The following JAML variants were observed in gnomAD, a reference collection of about 807,000 sequenced individuals.
JAML encodes junctional adhesion molecule-like.
In JAML, 25 loss-of-function variants were observed where a neutral mutation model predicts 39.3. That is an observed-to-expected ratio of 0.64 (90% CI 0.46 to 0.89). The LOEUF is 0.89. Ranked by LOEUF, JAML falls within the 40% of genes least tolerant of loss-of-function variation. The pLI is 0.00. For missense variants in JAML, 440 were observed against 486.9 expected (o/e 0.90, Z 0.91); for synonymous variants, 162 against 179.2 (o/e 0.90, Z 0.77).
At chr11:118,218,866 T>C (rs1313419854) in intron 1 of JAML, among the ~76,000 whole-genome samples, 1 of 152,182 alleles carries the variant, frequency 6.6e-6, no homozygotes, top group Non-Finnish European at 1.5e-5. Context: ...ATAGACACCA[T>C]TGACATTCAC....
intron 1 of JAML, among the ~76,000 whole-genome samples, chr11:118,221,498 T>C (rs924097180): frequency 1.3e-5 from 2 of 152,220 alleles, no homozygotes; most frequent in Non-Finnish European, 2.9e-5. Flanking sequence ...ATCCCTTGCA[T>C]GTGCAGTTCA....
Position 118,203,415 on chromosome 11 carries a change from A to C in JAML, c.772+13T>G. On this transcript the variant is annotated intron_variant, in intron 6 of 9. Coordinates refer to ENST00000356289, the MANE Select transcript of JAML (RefSeq NM_001098526.2). ...GGAGGTCCCTCAATGCTCCCCAGCC[A>C]AATGTTAGATACTTCGAGGCTCTTC... 6.2e-7 allele frequency: 1 copy of C among 1,611,190 alleles called. No homozygotes were observed. The highest frequency in any genetic ancestry group is 1.1e-5 in the South Asian group (1 of 91,002).
At chr11:118,216,140 G>A (rs1353310302) in intron 1 of JAML, among the ~76,000 whole-genome samples, 1 of 152,136 alleles carries the variant, frequency 6.6e-6, no homozygotes, top group African/African-American at 2.4e-5. Flanking sequence ...GGGAGACCAA[G>A]GCGGGCGGAT....
intron 3 of JAML, 111 bp downstream of exon 3, chr11:118,212,296 C>G (rs973443372): frequency 7.4e-7 from 1 of 1,358,128 alleles, no homozygotes; most frequent in Non-Finnish European, 1.0e-6. Context: ...TCCAAAGCCC[C>G]GGCTCTTGCA....
chr11:118,207,896 A>G (rs1806936779), intron 4 of JAML, among the ~76,000 whole-genome samples: 1 of 152,202 alleles, frequency 6.6e-6, no homozygotes, highest in East Asian at 1.9e-4. Context: ...GGAAAAGGCT[A>G]TGCTTGCATG....
intron 1 of JAML, among the ~76,000 whole-genome samples, chr11:118,218,218 T>A (rs569500754): frequency 6.6e-6 from 1 of 152,148 alleles, no homozygotes; most frequent in Non-Finnish European, 1.5e-5. Flanking sequence ...CTCGGCCTCC[T>A]GAGTAGCTGG....
At chr11:118,211,422 T>C (rs71482138) in intron 3 of JAML, among the ~76,000 whole-genome samples, 1 of 152,130 alleles carries the variant, frequency 6.6e-6, no homozygotes, top group Non-Finnish European at 1.5e-5. Context: ...TTTGTGTTTG[T>C]TTTTTTATAG....
In JAML at chr11:118,222,140, G is replaced by A. The variant is rs1439849622; in HGVS notation, c.-21+2801C>T. ...TGTTTTAAAAGCCCCTGCTGGCCAG[G>A]CACAGTGGCTTATGCCTATAATCCT... On this transcript the variant is annotated intron_variant, in intron 1 of 9. Transcript: ENST00000356289. This position sits in a 1 kb window ranked among gnomAD's most constrained non-coding sequence, Gnocchi z 4.2. 6.6e-6 allele frequency among the ~76,000 whole-genome samples: 1 copy of A among 151,770 alleles called. No individual in the cohort carries two copies. The highest frequency in any genetic ancestry group is 2.4e-5 in the African/African-American group (1 of 41,290).
At position 118,210,675 on chromosome 11, in the gene JAML, A is replaced by G. The variant is rs942860166; in HGVS notation, c.236T>C (p.Val79Ala). The G allele has an allele frequency of 6.2e-7, 1 of 1,614,206 alleles. No individual in the cohort carries two copies. Among genetic ancestry groups the G allele is most frequent in the South Asian group, 1.1e-5 (1 of 91,086 alleles). Residue 79 changes from valine to alanine, a missense_variant, in exon 4 of 10, where the codon GTG becomes GCG. Transcript: ENST00000356289. ...YVLYYYSNLS[V>A]PIGRFQNRVH... ...GCGGTTCTGGAAGCGCCCAATAGGC[A>G]CACTGAGATTGGAGTAATAGTATAG...
intron 1 of JAML, among the ~76,000 whole-genome samples, chr11:118,221,826 T>C (rs1478812312): frequency 1.3e-5 from 2 of 152,242 alleles, no homozygotes; most frequent in African/African-American, 4.8e-5. Flanking sequence ...GTCTTGAAAT[T>C]TTCTTTTCTC....
intron 2 of JAML, chr11:118,213,155 G>C (rs1159862749): frequency 7.1e-7 from 1 of 1,411,090 alleles, no homozygotes; most frequent in Non-Finnish European, 9.2e-7. Context: ...TTTGCCATCA[G>C]CTTTCCAGCC....
intron 6 of JAML, chr11:118,201,751 C>G (rs1390303536): frequency 6.6e-6 from 1 of 152,220 alleles, no homozygotes; most frequent in African/African-American, 2.4e-5. Context: ...CAGTGACAGA[C>G]TGGAAGGAAG....
At chr11:118,220,172 G>A (rs544294386) in intron 1 of JAML, among the ~76,000 whole-genome samples, 1 of 152,172 alleles carries the variant, frequency 6.6e-6, no homozygotes, top group Non-Finnish European at 1.5e-5. Context: ...TCCTGCTCTG[G>A]ATGTTCCCAA....
chr11:118,197,906 C>A, intron 8 of JAML, 92 bp downstream of exon 8: 1 of 1,190,028 alleles, frequency 8.4e-7, no homozygotes, highest in Non-Finnish European at 1.2e-6. Flanking sequence ...CTGCAAGCTG[C>A]GACATACAAT....
Position 118,215,880 on chromosome 11 carries a change from T to G in JAML, c.-20-994A>C, listed in dbSNP as rs558026335. Among the ~76,000 whole-genome samples the G allele has an allele frequency of 1.1e-4, 16 of 152,302 alleles. 1 individual carries two copies. In the East Asian group the frequency reaches 1.5e-3, roughly 15 times the overall value. On this transcript the variant is annotated intron_variant, in intron 1 of 9. Transcript: ENST00000356289. ...GAACCCTGACTCTCAGGAGTTACAG[T>G]GCAACCAGTCTTGAGTTCCCACCTG...
intron 1 of JAML, among the ~76,000 whole-genome samples, chr11:118,223,273 T>G (rs1949228220): frequency 6.6e-6 from 1 of 152,064 alleles, no homozygotes; most frequent in Non-Finnish European, 1.5e-5. Flanking sequence ...AGCACACTGA[T>G]GTAGGGCCAG....
At chr11:118,200,757 ACT>A (rs976257792) in intron 6 of JAML, 145 bp from the exon 7 acceptor site, 3 of 860,236 alleles carry the variant, frequency 3.5e-6, no homozygotes, top group Non-Finnish European at 5.4e-6. Context: ...CACTAGGGAC[ACT>A]GTCTCCATGA....
At chr11:118,199,646 A>G (rs1256911766) in intron 7 of JAML, among the ~76,000 whole-genome samples, 1 of 151,982 alleles carries the variant, frequency 6.6e-6, no homozygotes, top group East Asian at 1.9e-4. Context: ...CCCTGGGAGA[A>G]CTACCGATGA....
Position 118,210,644 on chromosome 11 carries a change from G to T in JAML, c.267C>A (p.His89Gln). Reference sequence around the variant, plus strand: ...CATTGCATAAGATGTCCCCCATCAAGTGTACGCGGTTCTGGAAGCGCCCAA... The same window carrying T: ...CATTGCATAAGATGTCCCCCATCAATTGTACGCGGTTCTGGAAGCGCCCAA... ...VPIGRFQNRVHLMGDILCNDG... is the reference protein window; with the variant it reads ...VPIGRFQNRVQLMGDILCNDG... Residue 89 changes from histidine to glutamine, a missense_variant, in exon 4 of 10, where the codon CAC (histidine) becomes CAA (glutamine). His to Gln is a conservative substitution (Grantham distance 24). Transcript: ENST00000356289. 1 of 1,614,206 alleles carries T rather than the reference G, an allele frequency of 6.2e-7. No individual in the cohort carries two copies. Among genetic ancestry groups the T allele is most frequent in the Non-Finnish European group, 8.5e-7 (1 of 1,180,022 alleles).
Sources: allele counts gnomAD v4.1 joint callset (sites outside exome capture counted in the v4.1 genomes callset), GRCh38; gene constraint gnomAD v4.1.1; non-coding constraint Gnocchi (gnomAD v3.1); transcripts MANE v1.5; gene names NCBI Gene and HGNC (gene_info 2026-07-23, HGNC 2026-07-21).